LAMA1: variants seen among roughly 807,000 people sequenced by gnomAD.
LAMA1 encodes laminin subunit alpha-1.
LAMA1 carries 219 observed loss-of-function variants against 348.7 expected under a neutral mutation model. That is an observed-to-expected ratio of 0.63 (90% CI 0.56 to 0.70). The LOEUF (loss-of-function observed/expected upper bound fraction) is 0.70, where lower values mean the gene tolerates loss of function less well. Ranked by LOEUF, LAMA1 falls within the 30% of genes least tolerant of loss-of-function variation. LAMA1 has a pLI of 0.00. For synonymous variants in LAMA1, 1,487 were observed against 1,491.0 expected (o/e 1.00, Z 0.06); for missense variants, 3,744 against 3,888.0 (o/e 0.96, Z 0.99).
chr18:7,042,331 C>G (rs1474661108), intron 8 of LAMA1, 81 bp from the exon 9 acceptor site: 1 of 837,080 alleles, frequency 1.2e-6, no homozygotes, highest in Non-Finnish European at 2.0e-6. Flanking sequence ...AAGGTATTGG[C>G]TTTTTACTCA....
At chr18:6,944,217 T>C (rs1423038734) in intron 61 of LAMA1, among the ~76,000 whole-genome samples, 6 of 152,196 alleles carry the variant, frequency 3.9e-5, no homozygotes, top group African/African-American at 1.2e-4. Flanking sequence ...GGTTTCACCA[T>C]GTTGGCCAGG....
rs558016394 is a variant in LAMA1, at chr18:7,092,250, T to C, written c.62-11793A>G. 3.9e-5 allele frequency among the ~76,000 whole-genome samples: 6 copies of C among 152,316 alleles called. No individual in the cohort carries two copies. The South Asian group carries it at 1.0e-3, about 26-fold the overall frequency. ...AAAGGCTATTCCTAGATTAAGGCTG[T>C]ATATAACAAGAATTGTCTTCATTGT... On this transcript the variant is annotated intron_variant, in intron 1 of 62. Coordinates refer to ENST00000389658, the MANE Select transcript of LAMA1 (RefSeq NM_005559.4).
chr18:7,038,504 C>CG (rs112157966), intron 11 of LAMA1: 38,992 of 420,816 alleles, frequency 0.093, 2,330 homozygotes, highest in Admixed American at 0.16. Flanking sequence ...GCAGCAGGGG[C>CG]GGGCGGAGGG....
intron 19 of LAMA1, among the ~76,000 whole-genome samples, chr18:7,021,850 T>C (rs2057918886): frequency 1.6e-5 from 1 of 61,922 alleles, no homozygotes; most frequent in Non-Finnish European, 3.0e-5. Context: ...TATTATATTA[T>C]ATTATATATA....
In LAMA1 at chr18:7,111,182, C is replaced by G. The variant is rs181887761; in HGVS notation, c.61+6478G>C. The stretch of plus-strand genomic sequence containing the variant: ...GCAGATCAGACTTCAAAGATAACTT[C>G]TGGAATGAAGAGATTCAAACTTCAA... On this transcript the variant is annotated intron_variant, in intron 1 of 62. Coordinates refer to ENST00000389658, the MANE Select transcript of LAMA1 (RefSeq NM_005559.4). Among the ~76,000 whole-genome samples the G allele has an allele frequency of 1.6e-3, 242 of 152,206 alleles. 1 individual carries two copies. The highest frequency in any genetic ancestry group is 5.7e-3 in the African/African-American group (236 of 41,524).
chr18:7,035,972 A>G lies in LAMA1; in HGVS notation c.1839+15T>C. ...GCCCTAAGCTCTATAGCAGAATCAAAGCAAAAACAATCACCTTAATGATGA... is the reference window on the plus strand; with the variant it reads ...GCCCTAAGCTCTATAGCAGAATCAAGGCAAAAACAATCACCTTAATGATGA... On this transcript the variant is annotated intron_variant, in intron 13 of 62. Coordinates refer to ENST00000389658, the MANE Select transcript of LAMA1 (RefSeq NM_005559.4). The G allele has an allele frequency of 1.9e-6, 3 of 1,604,372 alleles. No homozygotes were observed. The highest frequency in any genetic ancestry group is 2.6e-6 in the Non-Finnish European group (3 of 1,171,086).
rs1406609727 is a variant in LAMA1, at chr18:7,038,885, GT to G, written c.1487del (p.Asn496ThrfsTer27). ...AGAAGCACTCGGAGCAGCCCCGGGGGTTTTTTTCCTTCAAGTTATAGAATCC... is the reference window on the plus strand; with the variant it reads ...AGAAGCACTCGGAGCAGCCCCGGGGGTTTTTTCCTTCAAGTTATAGAATCC... The part of the protein sequence containing the change: ...KPGFYNLKEK[N>X]PRGCSECFCF... On this transcript the variant is annotated frameshift_variant, in exon 11 of 63. Coordinates refer to ENST00000389658, the MANE Select transcript of LAMA1 (RefSeq NM_005559.4). LOFTEE classifies it high-confidence loss of function. 3 of 1,614,036 alleles carry G rather than the reference GT, an allele frequency of 1.9e-6. No individual in the cohort carries two copies. The highest frequency in any genetic ancestry group is 2.5e-6 in the Non-Finnish European group (3 of 1,179,908).
chr18:7,109,912 G>A (rs202219618), intron 1 of LAMA1, among the ~76,000 whole-genome samples: 3 of 152,248 alleles, frequency 2.0e-5, no homozygotes, highest in South Asian at 4.1e-4. Context: ...GGCCGGGTGC[G>A]GTGGCTCACG....
chr18:7,019,885 T>C (rs2057907825), intron 19 of LAMA1, among the ~76,000 whole-genome samples: 1 of 151,888 alleles, frequency 6.6e-6, no homozygotes, highest in Admixed American at 6.6e-5. Context: ...TTTTGCCATG[T>C]TGGGCAGGCT....
At chr18:7,034,354 G>A (rs1016765394) in intron 14 of LAMA1, 125 bp downstream of exon 14, 4 of 748,894 alleles carry the variant, frequency 5.3e-6, no homozygotes, top group African/African-American at 5.3e-5. Context: ...AAGACAGCCA[G>A]ATCCTGTAGC....
At position 6,971,970 on chromosome 18, in the gene LAMA1, A is replaced by G. The variant is rs936980138; in HGVS notation, c.6786T>C (p.Ala2262=). ...GLGGQIKKSP[A]VKVTHFKGCL... ...AGCCTTTAAAATGAGTAACCTTCAC[A>G]GCAGGAGATTTCTAATGCAAACAAG... The change falls in exon 48 of 63, where the codon GCT becomes GCC. Residue 2262 remains alanine (A), a synonymous_variant. Transcript: ENST00000389658. The G allele has an allele frequency of 3.1e-6, 5 of 1,614,106 alleles. No individual in the cohort carries two copies. In the Admixed American group the frequency reaches 8.3e-5, roughly 27 times the overall value.
intron 3 of LAMA1, among the ~76,000 whole-genome samples, chr18:7,056,866 C>T (rs1350889140): frequency 1.3e-5 from 2 of 149,866 alleles, no homozygotes; most frequent in Non-Finnish European, 2.9e-5. Flanking sequence ...GGATTGTTAA[C>T]GCTTTGAATT....
intron 47 of LAMA1, 200 bp from the exon 48 acceptor site, chr18:6,972,181 T>C (rs1022514739): frequency 3.5e-6 from 2 of 569,448 alleles, no homozygotes; most frequent in Non-Finnish European, 6.3e-6. Context: ...GAGTAACAAC[T>C]GGGCAGGATC....
intron 33 of LAMA1, 29 bp from the exon 34 acceptor site, chr18:6,995,475 A>G (rs779054740): frequency 8.5e-7 from 1 of 1,175,104 alleles, no homozygotes; most frequent in Non-Finnish European, 1.3e-6. Context: ...ACAAATTACA[A>G]TGCTTCGAAG....
chr18:6,979,638 G>A (rs930484798), intron 42 of LAMA1, among the ~76,000 whole-genome samples: 8 of 152,230 alleles, frequency 5.3e-5, no homozygotes, highest in Admixed American at 1.3e-4. Flanking sequence ...GGTGGCTCAC[G>A]CCTGTAATCC....
intron 3 of LAMA1, among the ~76,000 whole-genome samples, chr18:7,067,185 G>A (rs1215928405): frequency 6.6e-6 from 1 of 150,786 alleles, no homozygotes; most frequent in African/African-American, 2.5e-5. Context: ...CAGGCAGCAC[G>A]GGACAGTGAC....
At chr18:6,979,711 A>G (rs1332941337) in intron 42 of LAMA1, among the ~76,000 whole-genome samples, 4 of 152,034 alleles carry the variant, frequency 2.6e-5, no homozygotes, top group South Asian at 2.1e-4. Flanking sequence ...CATCCTGGCT[A>G]ACACGGTGAA....
intron 5 of LAMA1, among the ~76,000 whole-genome samples, chr18:7,047,607 A>C (rs7236441): frequency 0.055 from 8,390 of 152,192 alleles, 810 homozygotes; most frequent in African/African-American, 0.19. Flanking sequence ...AAAATTCATA[A>C]GGAAATACAA....
Position 7,032,155 on chromosome 18 carries a change from G to A in LAMA1, c.2185C>T (p.Arg729Cys), listed in dbSNP as rs777933142. ...CCTCCAAAGAGTATTCCATCCACGC[G>A]GTAATAGCCAGAGAGGCACGACTGC... ...SCESCLSGYY[R>C]VDGILFGGIC... The change falls in exon 16 of 63, where the codon CGC becomes TGC. Residue 729 changes from arginine (R) to cysteine (C), a missense_variant. Around this residue, in one of 3 missense-constraint regions of LAMA1, gnomAD observed 1,529 missense variants for 1,689.4 expected, o/e 0.91. Coordinates refer to ENST00000389658, the MANE Select transcript of LAMA1 (RefSeq NM_005559.4). The A allele has an allele frequency of 1.9e-5, 30 of 1,613,776 alleles. No individual in the cohort carries two copies. Among genetic ancestry groups the A allele is most frequent in the Non-Finnish European group, 2.5e-5 (29 of 1,179,844 alleles).
Sources: gnomAD v4.1 joint callset for allele counts (sites outside exome capture counted in the v4.1 genomes callset) on GRCh38, gnomAD v4.1.1 for gene constraint, gnomAD v4.1.1 regional missense constraint, MANE v1.5 for transcripts, NCBI Gene and HGNC (gene_info 2026-07-23, HGNC 2026-07-21) for gene names.